Variants in MASTL observed in about 807,000 individuals in gnomAD.
The protein encoded by MASTL is microtubule associated serine/threonine kinase like.
In MASTL, 54 loss-of-function variants were observed where a neutral mutation model predicts 82.5. That is an observed-to-expected ratio of 0.65 (90% CI 0.53 to 0.82). The LOEUF (loss-of-function observed/expected upper bound fraction) is 0.82. Among genes scored for constraint, MASTL ranks in the 40% least tolerant of loss-of-function variants. The pLI, the probability that MASTL is intolerant of heterozygous loss-of-function variation, is 0.00. For missense variants in MASTL, 950 were observed against 1,047.8 expected (o/e 0.91, Z 1.29); for synonymous variants, 323 against 368.9 (o/e 0.88, Z 1.43).
At chr10:27,157,690 GT>G (rs1331987849) in intron 1 of MASTL, among the ~76,000 whole-genome samples, 1 of 151,792 alleles carries the variant, frequency 6.6e-6, no homozygotes. Context: ...TAATAGTTCT[GT>G]TTCTGTACAG....
chr10:27,185,398 T>C (rs1241512241), intron 11 of MASTL, among the ~76,000 whole-genome samples: 3 of 151,522 alleles, frequency 2.0e-5, no homozygotes, highest in Non-Finnish European at 2.9e-5. Context: ...TTTGGGAGGC[T>C]GAGGCGGGTG....
At chr10:27,162,364 A>T (rs1304141573) in intron 4 of MASTL, among the ~76,000 whole-genome samples, 1 of 152,224 alleles carries the variant, frequency 6.6e-6, no homozygotes, top group Non-Finnish European at 1.5e-5. Flanking sequence ...ATCAACTTAG[A>T]AACATATTGT....
At position 27,167,222 on chromosome 10, in the gene MASTL, C is replaced by A; in HGVS notation, c.932C>A (p.Ser311Tyr). The A allele has an allele frequency of 6.2e-7, 1 of 1,613,904 alleles. No individual in the cohort carries two copies. Among genetic ancestry groups the A allele is most frequent in the Non-Finnish European group, 8.5e-7 (1 of 1,179,808 alleles). The change falls in exon 7 of 12, where the codon TCC becomes TAC. Residue 311 changes from serine to tyrosine, a missense_variant. Coordinates refer to ENST00000375940, the MANE Select transcript of MASTL (RefSeq NM_001172303.3). ...SASSQSHTFISSVESECHSSP... is the reference protein window; with the variant it reads ...SASSQSHTFIYSVESECHSSP... ...AGTAGTCAATCCCACACCTTCATAT[C>A]CAGTGTGGAATCAGAATGCCACAGC... is the stretch of plus-strand genomic sequence containing the variant.
In MASTL at chr10:27,159,806, A is replaced by G. The variant is rs763048592; in HGVS notation, c.464+48A>G. 2 of 1,518,262 alleles carry G rather than the reference A, an allele frequency of 1.3e-6. No homozygotes were observed. The highest frequency in any genetic ancestry group is 1.1e-5 in the South Asian group (1 of 89,074). 94.0% of individuals were successfully genotyped at this position (1,518,262 alleles called of 1,614,324 possible). A position where few individuals can be genotyped will look rare whatever the true frequency, so the allele number is the denominator to read the frequency against. ...TATTACTTAAAAATTCAAGTAATCA[A>G]ATTACATATTTGAGTCTCAGATATT... On this transcript the variant is annotated intron_variant, in intron 3 of 11. Coordinates refer to ENST00000375940, the MANE Select transcript of MASTL (RefSeq NM_001172303.3). The surrounding 1 kb of genome is among the most constrained non-coding windows in gnomAD (Gnocchi z 4.0).
intron 4 of MASTL, among the ~76,000 whole-genome samples, chr10:27,163,542 T>A (rs570533416): frequency 1.5e-4 from 23 of 152,334 alleles, no homozygotes; most frequent in African/African-American, 5.0e-4. Flanking sequence ...CGTGTATTAT[T>A]ATTATCACTT....
chr10:27,182,247 A>AG (rs1491138984), intron 11 of MASTL, among the ~76,000 whole-genome samples: 3 of 14,940 alleles, frequency 2.0e-4, no homozygotes, highest in Non-Finnish European at 5.1e-4. Context: ...ACTCTGTCTC[A>AG]AAAAAAAAAA....
At position 27,155,526 on chromosome 10, in the gene MASTL, G is replaced by A. The variant is rs1275804790; in HGVS notation, c.100G>A (p.Glu34Lys). The A allele has an allele frequency of 1.2e-6, 2 of 1,614,218 alleles. No homozygotes were observed. Among genetic ancestry groups the A allele is most frequent in the Admixed American group, 3.3e-5 (2 of 60,026 alleles). The change falls in exon 1 of 12, where the codon GAA (glutamate) becomes AAA (lysine). Residue 34 changes from glutamate to lysine, a missense_variant. Coordinates refer to ENST00000375940, the MANE Select transcript of MASTL (RefSeq NM_001172303.3). ...AGTGCCAAAACCGCCCTCCATTGAG[G>A]AATTCAGCATAGTGAAGCCCATTAG... Reference protein sequence around the residue: ...IAVPKPPSIEEFSIVKPISRG... With the variant: ...IAVPKPPSIEKFSIVKPISRG...
At chr10:27,178,388 T>G (rs1482215049) in intron 9 of MASTL, among the ~76,000 whole-genome samples, 1 of 89,790 alleles carries the variant, frequency 1.1e-5, no homozygotes, top group Non-Finnish European at 2.2e-5. Context: ...AGAGCGAGAC[T>G]CCATCTCAAA....
In MASTL at chr10:27,181,067, G is replaced by A. The variant is rs759182977; in HGVS notation, c.2380+1G>A. The A allele has an allele frequency of 2.9e-5, 45 of 1,555,678 alleles. No individual in the cohort carries two copies. In the Admixed American group the frequency reaches 6.5e-4, roughly 23 times the overall value. ...GTATTCCAGAATATTCTGAAAAGAG[G>A]TGATTCTTTTTCTCCTATTAAGATA... On this transcript the variant is annotated splice_donor_variant, in intron 10 of 11. Coordinates refer to ENST00000375940, the MANE Select transcript of MASTL (RefSeq NM_001172303.3). LOFTEE classifies it high-confidence loss of function.
rs1446588640 is a variant in MASTL at position 27,171,025 on chromosome 10, G to A, written c.2066G>A (p.Gly689Asp). 2 of 1,613,932 alleles carry A rather than the reference G, an allele frequency of 1.2e-6. No individual in the cohort carries two copies. The highest frequency in any genetic ancestry group is 1.7e-6 in the Non-Finnish European group (2 of 1,179,998). Residue 689 changes from glycine (G) to aspartate (D), a missense_variant, in exon 8 of 12, where the codon GGT becomes GAT. Physicochemically the swap from Gly to Asp is moderately conservative, Grantham distance 94. Coordinates refer to ENST00000375940, the MANE Select transcript of MASTL (RefSeq NM_001172303.3). ...DAMDISCAYSGSYPMAITPTQ... is the reference protein window; with the variant it reads ...DAMDISCAYSDSYPMAITPTQ... ...ATGGATATTTCGTGTGCCTACAGTG[G>A]TTCATATCCCATGGCTATAACCCCT...
rs775635395 is a variant in MASTL at position 27,170,898 on chromosome 10, G to A, written c.1939G>A (p.Ala647Thr). Residue 647 changes from alanine (A) to threonine (T), a missense_variant, in exon 8 of 12, where the codon GCC (alanine) becomes ACC (threonine). Transcript: ENST00000375940. ...GPPLEVLKTLASKRNAVAFRS... is the reference protein window; with the variant it reads ...GPPLEVLKTLTSKRNAVAFRS... ...TCCTTTGGAGGTGCTGAAAACGTTA[G>A]CCTCTAAAAGAAATGCTGTTGCTTT... is the stretch of plus-strand genomic sequence containing the variant. The A allele has an allele frequency of 6.2e-7, 1 of 1,614,170 alleles. No individual in the cohort carries two copies. The highest frequency in any genetic ancestry group is 1.1e-5 in the South Asian group (1 of 91,084).
intron 10 of MASTL, 98 bp downstream of exon 10, chr10:27,181,164 C>T (rs1477686788): frequency 1.0e-5 from 9 of 863,096 alleles, no homozygotes; most frequent in South Asian, 2.7e-5. Context: ...GCGGGTGGAT[C>T]GCCTGAGGTC....
At chr10:27,178,200 T>C (rs1471014885) in intron 9 of MASTL, among the ~76,000 whole-genome samples, 1 of 152,146 alleles carries the variant, frequency 6.6e-6, no homozygotes, top group African/African-American at 2.4e-5. Context: ...GAGACCAGCC[T>C]GCCCAACATG....
At chr10:27,169,898 A>C in intron 7 of MASTL, 46 bp from the exon 8 acceptor site, 2 of 1,593,076 alleles carry the variant, frequency 1.3e-6, no homozygotes, top group Non-Finnish European at 1.7e-6. Flanking sequence ...AAGGTCAATG[A>C]ATCTCAGCTT....
chr10:27,156,173 T>C (rs749721855), intron 1 of MASTL, among the ~76,000 whole-genome samples: 2 of 151,958 alleles, frequency 1.3e-5, no homozygotes, highest in African/African-American at 2.4e-5. Flanking sequence ...CCCGGCTGAT[T>C]TTTTGTATTT....
At chr10:27,169,889 A>C in intron 7 of MASTL, 55 bp from the exon 8 acceptor site, 1 of 1,561,048 alleles carries the variant, frequency 6.4e-7, no homozygotes, top group South Asian at 1.1e-5. Flanking sequence ...CATAGTTAAA[A>C]GGTCAATGAA....
At chr10:27,171,463 C>A (rs570579731) in intron 8 of MASTL, among the ~76,000 whole-genome samples, 1 of 149,682 alleles carries the variant, frequency 6.7e-6, no homozygotes, top group Non-Finnish European at 1.5e-5. Context: ...GAGACAGTCT[C>A]GTTCTTTTGC....
chr10:27,182,166 G>A (rs1240662790), intron 11 of MASTL, among the ~76,000 whole-genome samples: 3 of 150,530 alleles, frequency 2.0e-5, no homozygotes, highest in Non-Finnish European at 2.9e-5. Flanking sequence ...CAGGAGAATC[G>A]CTTCAACCCG....
At chr10:27,179,881 T>C (rs1564503612) in intron 9 of MASTL, among the ~76,000 whole-genome samples, 1 of 152,184 alleles carries the variant, frequency 6.6e-6, no homozygotes, top group Non-Finnish European at 1.5e-5. Flanking sequence ...GATATGAAAT[T>C]GAGTAGTAGT....
Sources: gnomAD v4.1 joint callset for allele counts (sites outside exome capture counted in the v4.1 genomes callset) on GRCh38, gnomAD v4.1.1 for gene constraint, Gnocchi (gnomAD v3.1) non-coding constraint, MANE v1.5 for transcripts, NCBI Gene and HGNC (gene_info 2026-07-23, HGNC 2026-07-21) for gene names.